MATCAP2: variants seen among roughly 807,000 people sequenced by gnomAD.
MATCAP2 encodes the protein microtubule associated tyrosine carboxypeptidase 2, also known as putative tyrosine carboxypeptidase MATCAP2.
At chr7:36,365,995 T>C in the MATCAP2 span, among the ~76,000 whole-genome samples, 2 of 152,212 alleles carry the variant, frequency 1.3e-5, no homozygotes, top group South Asian at 2.1e-4. Context: ...TAAAACAGTA[T>C]AAAATTAAAA....
At chr7:36,388,270 C>A in the MATCAP2 span, among the ~76,000 whole-genome samples, 1 of 150,756 alleles carries the variant, frequency 6.6e-6, no homozygotes, top group African/African-American at 2.4e-5. Flanking sequence ...AACATATTTC[C>A]AAAGGAGTCC....
the MATCAP2 span, chr7:36,325,002 A>C: frequency 6.6e-6 from 1 of 152,232 alleles, no homozygotes; most frequent in Non-Finnish European, 1.5e-5. Context: ...TTGGGCTTGA[A>C]TCACAGGACA....
At chr7:36,390,044 G>A in the MATCAP2 span, 6 of 1,613,822 alleles carry the variant, frequency 3.7e-6, no homozygotes, top group Admixed American at 5.0e-5. Flanking sequence ...CGTTTACGGA[G>A]GTGAGTGAGT....
chr7:36,386,480 G>C, the MATCAP2 span, among the ~76,000 whole-genome samples: 1 of 114,732 alleles, frequency 8.7e-6, no homozygotes, highest in African/African-American at 3.3e-5. Context: ...TGTATCATTA[G>C]TTATATTAAA....
chr7:36,360,990 G>A, the MATCAP2 span, among the ~76,000 whole-genome samples: 1 of 152,116 alleles, frequency 6.6e-6, no homozygotes, highest in African/African-American at 2.4e-5. Flanking sequence ...ATATTGGAGA[G>A]AATGAAAATA....
At chr7:36,350,763 T>C in the MATCAP2 span, among the ~76,000 whole-genome samples, 25 of 152,116 alleles carry the variant, frequency 1.6e-4, no homozygotes, top group African/African-American at 5.5e-4. Flanking sequence ...GCTGGTCTTA[T>C]AGACATGAGC....
At chr7:36,335,128 T>C in the MATCAP2 span, 1 of 1,613,968 alleles carries the variant, frequency 6.2e-7, no homozygotes, top group African/African-American at 1.3e-5. Context: ...ATCCATTTAC[T>C]ACTGTCATTG....
the MATCAP2 span, among the ~76,000 whole-genome samples, chr7:36,383,016 T>C: frequency 1.3e-5 from 2 of 152,334 alleles, no homozygotes; most frequent in East Asian, 3.9e-4. Context: ...GACTTATGCC[T>C]GTAGTTGCAC....
the MATCAP2 span, chr7:36,327,061 G>T: frequency 1.5e-6 from 1 of 673,990 alleles, no homozygotes; most frequent in African/African-American, 1.8e-5. Context: ...AAAAATCAGT[G>T]ACTTACATTT....
the MATCAP2 span, chr7:36,330,888 T>C: frequency 4.3e-6 from 3 of 705,718 alleles, no homozygotes; most frequent in African/African-American, 3.5e-5. Flanking sequence ...AAACTAAAAA[T>C]ACTGTGAAGC....
the MATCAP2 span, among the ~76,000 whole-genome samples, chr7:36,338,005 C>T: frequency 6.6e-6 from 1 of 152,088 alleles, no homozygotes; most frequent in Non-Finnish European, 1.5e-5. Context: ...CAGGCTCATG[C>T]CCTTTAAACC....
At chr7:36,371,556 TAAAA>T in the MATCAP2 span, among the ~76,000 whole-genome samples, 1 of 152,144 alleles carries the variant, frequency 6.6e-6, no homozygotes, top group Non-Finnish European at 1.5e-5. Context: ...ATCTGTGTAA[TAAAA>T]GAAGATCATT....
At chr7:36,363,834 T>G in the MATCAP2 span, among the ~76,000 whole-genome samples, 1 of 152,232 alleles carries the variant, frequency 6.6e-6, no homozygotes, top group Non-Finnish European at 1.5e-5. Context: ...CTGAGAACAG[T>G]GCTGGACTAT....
At chr7:36,390,258 C>G in the MATCAP2 span, 1 of 709,296 alleles carries the variant, frequency 1.4e-6, no homozygotes, top group Non-Finnish European at 2.3e-6. Context: ...AGATAAAACT[C>G]AGGGAGGAAG....
chr7:36,367,084 G>C, the MATCAP2 span: 4 of 1,255,288 alleles, frequency 3.2e-6, no homozygotes, highest in Non-Finnish European at 4.0e-6. Flanking sequence ...AGCAGGATAA[G>C]GAGGGTAAGG....
chr7:36,345,188 CA>C, the MATCAP2 span, among the ~76,000 whole-genome samples: 1 of 152,098 alleles, frequency 6.6e-6, no homozygotes, highest in African/African-American at 2.4e-5. Context: ...AACAAGCAAC[CA>C]AATACATTTT....
the MATCAP2 span, among the ~76,000 whole-genome samples, chr7:36,332,613 A>G: frequency 1.3e-5 from 2 of 152,238 alleles, no homozygotes; most frequent in Non-Finnish European, 2.9e-5. Context: ...AGTATTTACC[A>G]AGCTCCAAAT....
the MATCAP2 span, chr7:36,367,007 G>A: frequency 2.1e-5 from 28 of 1,310,598 alleles, no homozygotes; most frequent in African/African-American, 1.6e-5. Context: ...AGGGGCGGGC[G>A]GCCTCTAGCC....
chr7:36,350,163 C>T, the MATCAP2 span, among the ~76,000 whole-genome samples: 1 of 152,128 alleles, frequency 6.6e-6, no homozygotes, highest in African/African-American at 2.4e-5. Flanking sequence ...TATAACTTAG[C>T]TTTAAAGAAA....
Sources: gnomAD v4.1 joint callset for allele counts (sites outside exome capture counted in the v4.1 genomes callset) on GRCh38, gnomAD v4.1.1 for gene constraint, MANE v1.5 for transcripts, NCBI Gene and HGNC (gene_info 2026-07-23, HGNC 2026-07-21) for gene names.